FGGY: variants seen among roughly 807,000 people sequenced by gnomAD.
The protein encoded by FGGY is FGGY carbohydrate kinase domain containing.
Under a neutral mutation model 71.3 loss-of-function variants are expected in FGGY, and 72 were observed. That is an observed-to-expected ratio of 1.01 (90% CI 0.84 to 1.23). FGGY has a LOEUF of 1.23. FGGY is among the 50% of genes most tolerant of loss of function. FGGY has a pLI of 0.00. For synonymous variants in FGGY, 251 were observed against 250.3 expected (o/e 1.00, Z -0.02); for missense variants, 668 against 682.3 (o/e 0.98, Z 0.23).
At position 59,681,123 on chromosome 1, in the gene FGGY, C is replaced by T. The variant is rs575928256; in HGVS notation, c.1512+6990C>T. 6 of 151,750 alleles carry T rather than the reference C, an allele frequency of 4.0e-5. No individual in the cohort carries two copies. In the South Asian group the frequency reaches 1.3e-3, roughly 32 times the overall value. The allele number at this position is 151,750 out of a possible 1,614,324, so 9.4% of individuals were successfully genotyped here. On this transcript the variant is annotated intron_variant, in intron 14 of 15. Transcript: ENST00000303721. ...ATATATGCCTGTTTACTTTTTGTAG[C>T]TATAAAAAGGTAGATAAAAGAAGCA...
At chr1:59,485,711 T>C (rs2093638138) in intron 6 of FGGY, among the ~76,000 whole-genome samples, 1 of 152,218 alleles carries the variant, frequency 6.6e-6, no homozygotes. Context: ...GTAGTAAGTT[T>C]AGCTATCATT....
At chr1:59,305,773 T>C (rs996355296) in intron 1 of FGGY, among the ~76,000 whole-genome samples, 4 of 152,332 alleles carry the variant, frequency 2.6e-5, no homozygotes, top group African/African-American at 9.6e-5. Flanking sequence ...TCTCTAATCC[T>C]TTTTGGTGCT....
chr1:59,309,307 T>C (rs933247331), intron 1 of FGGY, among the ~76,000 whole-genome samples: 1 of 152,244 alleles, frequency 6.6e-6, no homozygotes, highest in Non-Finnish European at 1.5e-5. Flanking sequence ...GAAAGATTCC[T>C]ATGTATTTAT....
intron 7 of FGGY, among the ~76,000 whole-genome samples, chr1:59,550,976 G>A (rs2095599716): frequency 6.6e-6 from 1 of 152,152 alleles, no homozygotes; most frequent in African/African-American, 2.4e-5. Context: ...ATGTTGCAAA[G>A]ATTAAATGAG....
chr1:59,438,788 G>T (rs2069079313), intron 5 of FGGY, among the ~76,000 whole-genome samples: 2 of 152,010 alleles, frequency 1.3e-5, no homozygotes, highest in Non-Finnish European at 2.9e-5. Context: ...TTGACTCTGG[G>T]GTAATATCTT....
chr1:59,426,281 C>A (rs1471283410), intron 5 of FGGY, among the ~76,000 whole-genome samples: 2 of 152,092 alleles, frequency 1.3e-5, no homozygotes, highest in Admixed American at 1.3e-4. Flanking sequence ...CTCCCTTTCC[C>A]CAGCAGAAAT....
At chr1:59,392,112 C>A (rs1463906832) in intron 5 of FGGY, among the ~76,000 whole-genome samples, 1 of 152,090 alleles carries the variant, frequency 6.6e-6, no homozygotes, top group African/African-American at 2.4e-5. Context: ...AGAAGGCCTC[C>A]CTCAGGATAC....
chr1:59,594,755 G>A (rs576780640), intron 8 of FGGY, among the ~76,000 whole-genome samples: 178 of 152,320 alleles, frequency 1.2e-3, no homozygotes, highest in African/African-American at 4.0e-3. Context: ...CCCACACTAT[G>A]CACAGAGGGT....
At chr1:59,304,017 A>AT (rs1219911518) in intron 1 of FGGY, among the ~76,000 whole-genome samples, 1 of 152,048 alleles carries the variant, frequency 6.6e-6, no homozygotes, top group African/African-American at 2.4e-5. Flanking sequence ...TGATTTGTAA[A>AT]TATTTTCTCT....
chr1:59,309,913 A>G (rs2043997330), intron 1 of FGGY: 1 of 151,070 alleles, frequency 6.6e-6, no homozygotes, highest in South Asian at 2.1e-4. Context: ...CCCAAGAGGC[A>G]GAGGCTGCGG....
At position 59,381,032 on chromosome 1, in the gene FGGY, C is replaced by G. The variant is rs183315098; in HGVS notation, c.554+2195C>G. ...TATGGCTAGCCAGTTTTCCCAGCACCATTTATTAAATAGGGAATCCTTTCC... is the reference window on the plus strand; with the variant it reads ...TATGGCTAGCCAGTTTTCCCAGCACGATTTATTAAATAGGGAATCCTTTCC... On this transcript the variant is annotated intron_variant, in intron 5 of 15. Transcript: ENST00000303721. 3.1e-3 allele frequency among the ~76,000 whole-genome samples: 475 copies of G among 152,218 alleles called. 1 individual carries two copies. The highest frequency in any genetic ancestry group is 0.011 in the African/African-American group (441 of 41,536).
chr1:59,615,447 A>C (rs1309986041), intron 9 of FGGY, among the ~76,000 whole-genome samples: 2 of 152,220 alleles, frequency 1.3e-5, no homozygotes, highest in Non-Finnish European at 2.9e-5. Context: ...AGCCATATGG[A>C]GAAAGCTGAA....
At chr1:59,411,215 T>C (rs1231133856) in intron 5 of FGGY, among the ~76,000 whole-genome samples, 2 of 152,250 alleles carry the variant, frequency 1.3e-5, no homozygotes, top group African/African-American at 4.8e-5. Flanking sequence ...GTTAGGCATT[T>C]TGTAGAATGT....
chr1:59,524,989 G>A (rs754331045), intron 7 of FGGY, among the ~76,000 whole-genome samples: 2 of 152,216 alleles, frequency 1.3e-5, no homozygotes, highest in African/African-American at 2.4e-5. Flanking sequence ...CAGACCTAGG[G>A]GCTCCCCAAG....
chr1:59,559,911 A>G (rs1465002577), intron 8 of FGGY, among the ~76,000 whole-genome samples: 1 of 152,356 alleles, frequency 6.6e-6, no homozygotes, highest in African/African-American at 2.4e-5. Context: ...GACATCTCCC[A>G]TGCAGAAAGA....
intron 9 of FGGY, among the ~76,000 whole-genome samples, chr1:59,613,147 C>G (rs2096709178): frequency 6.6e-6 from 1 of 152,150 alleles, no homozygotes; most frequent in South Asian, 2.1e-4. Flanking sequence ...ACCAAGTGGA[C>G]CTAATAGACA....
intron 11 of FGGY, among the ~76,000 whole-genome samples, chr1:59,659,582 A>T (rs187767778): frequency 1.3e-5 from 2 of 152,342 alleles, no homozygotes; most frequent in East Asian, 3.9e-4. Context: ...AGTGGGAGAC[A>T]TGAAAGCAGG....
At chr1:59,381,669 G>A (rs192483591) in intron 5 of FGGY, among the ~76,000 whole-genome samples, 177 of 136,384 alleles carry the variant, frequency 1.3e-3, no homozygotes, top group East Asian at 7.4e-3. Flanking sequence ...GTGTGTGTGT[G>A]TATATTTTGG....
intron 6 of FGGY, among the ~76,000 whole-genome samples, chr1:59,466,209 C>T (rs932196811): frequency 6.6e-6 from 1 of 152,146 alleles, no homozygotes; most frequent in African/African-American, 2.4e-5. Context: ...CACACATCTA[C>T]AACCATCTGA....
Sources: gnomAD v4.1 joint callset for allele counts (sites outside exome capture counted in the v4.1 genomes callset) on GRCh38, gnomAD v4.1.1 for gene constraint, MANE v1.5 for transcripts, NCBI Gene and HGNC (gene_info 2026-07-23, HGNC 2026-07-21) for gene names.